Variants in XPO6 observed in about 807,000 individuals in gnomAD.
XPO6 encodes the protein exportin-6.
In XPO6, 3 loss-of-function variants were observed where a neutral mutation model predicts 130.0. The observed-to-expected ratio is 0.02, with a 90% confidence interval of 0.01 to 0.06. XPO6 has a LOEUF of 0.06. XPO6 is among the 10% of genes least tolerant of loss of function. The probability of loss-of-function intolerance (pLI) is 1.00; values close to 1 mark genes in which losing one functional copy is unlikely to be tolerated. For missense variants in XPO6, 970 were observed against 1,393.0 expected, an observed-to-expected ratio of 0.70 and a Z score of 4.83; for synonymous variants, 524 against 548.9, an observed-to-expected ratio of 0.95 and a Z score of 0.63.
At chr16:28,166,179 GCTGC>G (rs1323075842) in intron 6 of XPO6, among the ~76,000 whole-genome samples, 1 of 152,090 alleles carries the variant, frequency 6.6e-6, no homozygotes, top group African/African-American at 2.4e-5. Context: ...TCTCCTGCAG[GCTGC>G]TGCCCACCTC....
chr16:28,211,256 G>T, intron 1 of XPO6, 110 bp downstream of exon 1: 2 of 1,169,284 alleles, frequency 1.7e-6, no homozygotes, highest in Non-Finnish European at 2.2e-6. Context: ...GGCTCCGCAC[G>T]CGCCTCTCCC....
Position 28,132,499 on chromosome 16 carries a change from G to A in XPO6, c.1537-96C>T. On this transcript the variant is annotated intron_variant, in intron 11 of 23. Coordinates refer to ENST00000304658, the MANE Select transcript of XPO6 (RefSeq NM_015171.4). The surrounding 1 kb of genome is among the most constrained non-coding windows in gnomAD (Gnocchi z 4.0). ...TACAACATTAACACGTAACTATGGT[G>A]TGAGGAACAGGATCAAAACCTTTTC... The A allele has an allele frequency of 1.2e-6, 1 of 815,010 alleles. No homozygotes were observed. Among genetic ancestry groups the A allele is most frequent in the Non-Finnish European group, 1.9e-6 (1 of 514,958 alleles). 50.5% of individuals were successfully genotyped at this position (815,010 alleles called of 1,614,324 possible).
intron 6 of XPO6, among the ~76,000 whole-genome samples, chr16:28,160,818 G>A (rs1266690795): frequency 6.6e-6 from 1 of 152,146 alleles, no homozygotes; most frequent in Non-Finnish European, 1.5e-5. Flanking sequence ...TTAAAGCTGA[G>A]AAGTGTTTAA....
At chr16:28,116,237 AGATC>A (rs1201967070) in intron 15 of XPO6, among the ~76,000 whole-genome samples, 3 of 152,210 alleles carry the variant, frequency 2.0e-5, no homozygotes, top group Non-Finnish European at 4.4e-5. Context: ...CAAGGCGGGC[AGATC>A]ATGAGGTCAG....
chr16:28,112,840 C>T (rs1267663840), intron 16 of XPO6, 64 bp downstream of exon 16: 1 of 1,556,970 alleles, frequency 6.4e-7, no homozygotes, highest in Non-Finnish European at 8.7e-7. Context: ...GACTCTTCTT[C>T]CTCAGCTTCC....
intron 15 of XPO6, chr16:28,116,985 T>G (rs963458223): frequency 5.8e-5 from 14 of 242,562 alleles, no homozygotes; most frequent in African/African-American, 2.8e-4. Context: ...AAATGAGGTG[T>G]GCCTGCACAA....
intron 5 of XPO6, chr16:28,167,124 T>A (rs1188993850): frequency 1.0e-6 from 1 of 984,484 alleles, no homozygotes; most frequent in Non-Finnish European, 1.2e-6. Flanking sequence ...GGCTTCAATA[T>A]ATTCTGAAGC....
chr16:28,206,728 T>A (rs1013265311), intron 1 of XPO6, among the ~76,000 whole-genome samples: 1 of 152,064 alleles, frequency 6.6e-6, no homozygotes, highest in African/African-American at 2.4e-5. Flanking sequence ...ACAGGTAACT[T>A]TTTCTCCAGA....
At chr16:28,205,979 A>G (rs2044022264) in intron 1 of XPO6, among the ~76,000 whole-genome samples, 2 of 143,644 alleles carry the variant, frequency 1.4e-5, no homozygotes, top group Non-Finnish European at 3.0e-5. Flanking sequence ...TAGAGACTGC[A>G]GTGAGCTGAG....
chr16:28,171,464 A>G (rs567524543), intron 4 of XPO6, among the ~76,000 whole-genome samples: 7 of 151,592 alleles, frequency 4.6e-5, no homozygotes, highest in East Asian at 3.9e-4. Context: ...AAAAAAAAAA[A>G]AAAAAAAAAG....
chr16:28,186,371 A>ATTATTTTTTTTTTTTTTTTT (rs1237138991), intron 1 of XPO6, among the ~76,000 whole-genome samples: 1 of 10,134 alleles, frequency 9.9e-5, no homozygotes, highest in Admixed American at 1.2e-3. Flanking sequence ...TGCCCCAGTT[A>ATTATTTTTTTTTTTTTTTTT]TTCTTTTTTT....
At position 28,132,888 on chromosome 16, in the gene XPO6, G is replaced by A. The variant is rs1371371061; in HGVS notation, c.1537-485C>T. Among the ~76,000 whole-genome samples the A allele has an allele frequency of 3.9e-5, 6 of 152,284 alleles. No homozygotes were observed. The highest frequency in any genetic ancestry group is 4.1e-4 in the South Asian group (2 of 4,824). On this transcript the variant is annotated intron_variant, in intron 11 of 23. Transcript: ENST00000304658. The surrounding 1 kb of genome is among the most constrained non-coding windows in gnomAD (Gnocchi z 4.0). ...AAGTCAGTTCCCTGGCTCAAGTAGC[G>A]GTCAGAACGTCATAACCGGAGCTGC...
chr16:28,107,402 C>T (rs1436588988), intron 18 of XPO6, 120 bp downstream of exon 18: 12 of 1,202,156 alleles, frequency 1.0e-5, no homozygotes, highest in Non-Finnish European at 1.1e-5. Flanking sequence ...TACCGGGTTT[C>T]GTTGCACGGA....
intron 5 of XPO6, among the ~76,000 whole-genome samples, chr16:28,168,382 C>A (rs1285150665): frequency 6.6e-6 from 1 of 151,956 alleles, no homozygotes. Flanking sequence ...TCTGGGGAGG[C>A]TGAGGTGGAA....
At chr16:28,181,277 A>G (rs775987810) in intron 1 of XPO6, among the ~76,000 whole-genome samples, 8 of 152,178 alleles carry the variant, frequency 5.3e-5, no homozygotes, top group Non-Finnish European at 1.2e-4. Flanking sequence ...TCAATTATGT[A>G]TGCTAAGAAA....
intron 6 of XPO6, among the ~76,000 whole-genome samples, chr16:28,164,390 T>C (rs751345763): frequency 2.1e-4 from 32 of 152,208 alleles, no homozygotes; most frequent in Non-Finnish European, 3.2e-4. Flanking sequence ...TCATCAGCAC[T>C]GTCCAAATAG....
intron 12 of XPO6, among the ~76,000 whole-genome samples, chr16:28,127,874 T>A (rs1360442164): frequency 2.6e-5 from 4 of 152,172 alleles, no homozygotes; most frequent in African/African-American, 9.7e-5. Context: ...AATCACCTGG[T>A]CCTGCCTCCT....
chr16:28,157,986 G>A (rs966650203), intron 6 of XPO6, among the ~76,000 whole-genome samples: 13 of 152,330 alleles, frequency 8.5e-5, no homozygotes, highest in Admixed American at 6.5e-4. Flanking sequence ...CCTCCTTGGC[G>A]GGAGAGGATA....
Position 28,211,509 on chromosome 16 carries a change from G to GTGGGGA in XPO6, c.-142_-141insTCCCCA. On this transcript the variant is annotated 5_prime_UTR_variant, in exon 1 of 24. Transcript: ENST00000304658. ...GACAACCCCTTCCCCACCGGGCCCC[G>GTGGGGA]AGGGGACCCTCTAAAAAGGGCAGGG... The GTGGGGA allele has an allele frequency of 9.7e-7, 1 of 1,033,214 alleles. No homozygotes were observed. The highest frequency in any genetic ancestry group is 1.3e-6 in the Non-Finnish European group (1 of 790,712). 64.0% of individuals were successfully genotyped at this position (1,033,214 alleles called of 1,614,324 possible).
Sources: gnomAD v4.1 joint callset for allele counts (sites outside exome capture counted in the v4.1 genomes callset) on GRCh38, gnomAD v4.1.1 for gene constraint, Gnocchi (gnomAD v3.1) non-coding constraint, MANE v1.5 for transcripts, NCBI Gene and HGNC (gene_info 2026-07-23, HGNC 2026-07-21) for gene names.